The following CEP128 variants were observed in gnomAD, a reference collection of about 807,000 sequenced individuals.
The protein encoded by CEP128 is centrosomal protein 128kDa.
In CEP128, 132 loss-of-function variants were observed where a neutral mutation model predicts 156.7. The observed-to-expected ratio is 0.84, with a 90% CI of 0.73 to 0.97. The LOEUF is 0.97. CEP128 is among the 50% of genes least tolerant of loss of function. CEP128 has a pLI of 0.00. For missense variants in CEP128, 1,252 were observed against 1,281.9 expected (o/e 0.98, Z 0.36); for synonymous variants, 469 against 448.9 (o/e 1.04, Z -0.57).
At chr14:80,587,243 C>A (rs576551271) in intron 19 of CEP128, among the ~76,000 whole-genome samples, 1 of 151,986 alleles carries the variant, frequency 6.6e-6, no homozygotes, top group African/African-American at 2.4e-5. Context: ...CTGGATATAC[C>A]GCAATGAGTT....
chr14:80,478,939 TAATA>T (rs1395640327), intron 14 of CEP128, among the ~76,000 whole-genome samples: 2 of 152,186 alleles, frequency 1.3e-5, no homozygotes, highest in Non-Finnish European at 2.9e-5. Context: ...TGTTGCTGAT[TAATA>T]AATAGAGATA....
At chr14:80,538,666 C>A (rs1479121434) in intron 21 of CEP128, among the ~76,000 whole-genome samples, 1 of 152,146 alleles carries the variant, frequency 6.6e-6, no homozygotes, top group Non-Finnish European at 1.5e-5. Flanking sequence ...AATACACGTT[C>A]CCTCACCTAA....
At chr14:80,882,100 A>C (rs546397708) in intron 8 of CEP128, among the ~76,000 whole-genome samples, 1 of 152,310 alleles carries the variant, frequency 6.6e-6, no homozygotes, top group South Asian at 2.1e-4. Flanking sequence ...ATCAAGTTAA[A>C]AAGCTTCTGT....
At chr14:80,821,838 C>G (rs962763134) in intron 13 of CEP128, among the ~76,000 whole-genome samples, 1 of 152,050 alleles carries the variant, frequency 6.6e-6, no homozygotes, top group Non-Finnish European at 1.5e-5. Flanking sequence ...AAAGACATAC[C>G]TGAGACTGCG....
At chr14:80,799,348 G>A in intron 13 of CEP128, among the ~76,000 whole-genome samples, 1 of 152,148 alleles carries the variant, frequency 6.6e-6, no homozygotes, top group South Asian at 2.1e-4. Context: ...CATAAGCTGA[G>A]GATGTATGTC....
intron 9 of CEP128, 42 bp downstream of exon 9, chr14:80,862,715 C>T: frequency 3.8e-6 from 5 of 1,317,358 alleles, no homozygotes; most frequent in Non-Finnish European, 5.5e-6. Flanking sequence ...AATAAACATC[C>T]AAATTCAAGA....
chr14:80,566,982 AGCCCAATAATG>A (rs1890942615), intron 20 of CEP128, among the ~76,000 whole-genome samples: 1 of 152,154 alleles, frequency 6.6e-6, no homozygotes, highest in Admixed American at 6.5e-5. Flanking sequence ...CCTACAGGGA[AGCCCAATAATG>A]GTCCTTGTTG....
rs569341757 is a variant in CEP128 at position 80,567,624 on chromosome 14, G to A, written c.2857-8322C>T. On this transcript the variant is annotated intron_variant, in intron 20 of 24. Coordinates refer to ENST00000555265, the MANE Select transcript of CEP128 (RefSeq NM_152446.5). Reference sequence around the variant, plus strand: ...GCACAACGTAATGTGGTACATAGGTGTGTGCTACAGAATATCACTACAGAC... The same window carrying A: ...GCACAACGTAATGTGGTACATAGGTATGTGCTACAGAATATCACTACAGAC... 1.3e-4 allele frequency among the ~76,000 whole-genome samples: 20 copies of A among 152,214 alleles called. No individual in the cohort carries two copies. In the South Asian group the frequency reaches 2.3e-3, roughly 17 times the overall value.
At chr14:80,535,039 T>C (rs1889421228) in intron 21 of CEP128, among the ~76,000 whole-genome samples, 1 of 152,142 alleles carries the variant, frequency 6.6e-6, no homozygotes, top group Non-Finnish European at 1.5e-5. Flanking sequence ...TCTCAGAGGC[T>C]AGAAGAGCTG....
intron 19 of CEP128, among the ~76,000 whole-genome samples, chr14:80,658,019 A>G (rs1215097809): frequency 6.6e-6 from 1 of 152,204 alleles, no homozygotes; most frequent in African/African-American, 2.4e-5. Context: ...AAAAAAGTAT[A>G]AATAGTAACA....
intron 19 of CEP128, among the ~76,000 whole-genome samples, chr14:80,638,879 A>G (rs527526167): frequency 6.6e-6 from 1 of 152,298 alleles, no homozygotes; most frequent in South Asian, 2.1e-4. Flanking sequence ...TAGCCCCTTT[A>G]TTAGGTTTTA....
chr14:80,607,362 A>G (rs908646105), intron 19 of CEP128, among the ~76,000 whole-genome samples: 10 of 152,184 alleles, frequency 6.6e-5, no homozygotes, highest in Non-Finnish European at 1.3e-4. Flanking sequence ...ACAAAAGCGA[A>G]TGTAAAATTA....
chr14:80,686,741 G>C (rs1452146851), intron 19 of CEP128, among the ~76,000 whole-genome samples: 1 of 151,958 alleles, frequency 6.6e-6, no homozygotes, highest in Non-Finnish European at 1.5e-5. Context: ...AATCTACCAA[G>C]CAAATGGAAA....
intron 8 of CEP128, among the ~76,000 whole-genome samples, chr14:80,882,113 A>G (rs181258796): frequency 1.8e-4 from 27 of 152,316 alleles, no homozygotes; most frequent in Middle Eastern, 3.4e-3. Context: ...GCTTCTGTAC[A>G]GCAAAGGAAA....
upstream of CEP128, among the ~76,000 whole-genome samples, chr14:80,942,038 T>G (rs1402368788): frequency 1.3e-5 from 2 of 151,872 alleles, no homozygotes; most frequent in African/African-American, 4.8e-5. Context: ...TGGCCTTGAC[T>G]GTAATTTTAC....
chr14:80,718,445 T>TA, intron 19 of CEP128, among the ~76,000 whole-genome samples: 1 of 152,314 alleles, frequency 6.6e-6, no homozygotes, highest in African/African-American at 2.4e-5. Flanking sequence ...GTTTTAGTAA[T>TA]TAAATCATAC....
chr14:80,809,701 T>C (rs945114447), intron 13 of CEP128, among the ~76,000 whole-genome samples: 1 of 151,902 alleles, frequency 6.6e-6, no homozygotes, highest in Non-Finnish European at 1.5e-5. Context: ...CAAGAGGGAA[T>C]GGGAAGATAT....
At chr14:80,732,347 C>G (rs1038388747) in intron 19 of CEP128, among the ~76,000 whole-genome samples, 1 of 152,030 alleles carries the variant, frequency 6.6e-6, no homozygotes, top group East Asian at 1.9e-4. Context: ...AATGGTAGGA[C>G]TTTTGTAACA....
chr14:80,878,596 G>C (rs907223376), intron 8 of CEP128, among the ~76,000 whole-genome samples: 2 of 152,148 alleles, frequency 1.3e-5, no homozygotes, highest in African/African-American at 4.8e-5. Context: ...CCAAATTGCA[G>C]TTGTGCCCAA....
Sources: gnomAD v4.1 joint callset for allele counts (sites outside exome capture counted in the v4.1 genomes callset) on GRCh38, gnomAD v4.1.1 for gene constraint, MANE v1.5 for transcripts, NCBI Gene and HGNC (gene_info 2026-07-23, HGNC 2026-07-21) for gene names.